The following DEFB118 variants were observed in gnomAD, a reference collection of about 807,000 sequenced individuals.
DEFB118 encodes the protein defensin beta 118.
A neutral mutation model predicts 2.8 loss-of-function variants in DEFB118; 3 were observed. That is an observed-to-expected ratio of 1.09 (90% CI 0.50 to 2.82). The LOEUF (loss-of-function observed/expected upper bound fraction) is 2.82, where lower values mean the gene tolerates loss of function less well. Ranked by LOEUF, DEFB118 falls within the 30% of genes most tolerant of loss-of-function variation. The pLI is 0.04. For missense variants in DEFB118, 159 were observed against 144.6 expected, an observed-to-expected ratio of 1.10 and a Z score of -0.51; for synonymous variants, 63 against 53.5, an observed-to-expected ratio of 1.18 and a Z score of -0.78.
intron 1 of DEFB118, among the ~76,000 whole-genome samples, chr20:31,370,419 GA>G (rs1486816821): frequency 6.6e-6 from 1 of 152,162 alleles, no homozygotes; most frequent in Non-Finnish European, 1.5e-5. Flanking sequence ...TTTTGTACAT[GA>G]AATCCACAAG....
At chr20:31,370,231 G>T (rs1986191444) in intron 1 of DEFB118, among the ~76,000 whole-genome samples, 1 of 152,176 alleles carries the variant, frequency 6.6e-6, no homozygotes, top group Admixed American at 6.5e-5. Context: ...ATCAGAAGTT[G>T]TGTATCTTAA....
intron 1 of DEFB118, among the ~76,000 whole-genome samples, chr20:31,369,956 C>A (rs1986185843): frequency 6.6e-6 from 1 of 151,994 alleles, no homozygotes; most frequent in South Asian, 2.1e-4. Flanking sequence ...AAATGTAAGT[C>A]TGGTGGGGGT....
intron 1 of DEFB118, 118 bp downstream of exon 1, chr20:31,368,826 C>T (rs1986162906): frequency 4.2e-6 from 4 of 954,230 alleles, no homozygotes; most frequent in Non-Finnish European, 6.6e-6. Context: ...CACACTGGGA[C>T]TATGCTCCTG....
At chr20:31,372,561 A>G (rs181805344) in intron 1 of DEFB118, among the ~76,000 whole-genome samples, 3 of 152,222 alleles carry the variant, frequency 2.0e-5, no homozygotes, top group Admixed American at 2.0e-4. Flanking sequence ...AAAAAGATGT[A>G]CTTTCTTTAC....
Position 31,373,122 on chromosome 20 carries a change from G to C in DEFB118, c.324G>C (p.Ala108=). The change falls in exon 2 of 2, where the codon GCG becomes GCC. Residue 108 remains alanine (A), a synonymous_variant. Transcript: ENST00000253381. Reference sequence around the variant, plus strand: ...AAGATATGGTTGAAGAGTCTGAGGCGGGAAGGGGAACTGAGACCTCTCTTC... The same window carrying C: ...AAGATATGGTTGAAGAGTCTGAGGCCGGAAGGGGAACTGAGACCTCTCTTC... The part of the protein sequence containing the change: ...SKKDMVEESE[A]GRGTETSLPN... 1.2e-6 allele frequency: 2 copies of C among 1,613,988 alleles called. No individual in the cohort carries two copies. Among genetic ancestry groups the C allele is most frequent in the Non-Finnish European group, 8.5e-7 (1 of 1,179,998 alleles).
rs1045305517 is a variant in DEFB118, at chr20:31,373,773, A to C, written c.*603A>C. The C allele has an allele frequency of 6.5e-6, 1 of 152,828 alleles. No individual in the cohort carries two copies. The highest frequency in any genetic ancestry group is 6.5e-5 in the Admixed American group (1 of 15,402). The allele number at this position is 152,828 out of a possible 1,614,324, so 9.5% of individuals were successfully genotyped here. On this transcript the variant is annotated 3_prime_UTR_variant, in exon 2 of 2. Coordinates refer to ENST00000253381, the MANE Select transcript of DEFB118 (RefSeq NM_054112.3). The stretch of plus-strand genomic sequence containing the variant: ...AAAGCTTTTATGGCTCTGTAGACCC[A>C]TCTTTTTGACCAAGCCTTGATCACA...
In DEFB118 at chr20:31,373,292, G is replaced by T; in HGVS notation, c.*122G>T. 1.2e-6 allele frequency: 1 copy of T among 857,020 alleles called. No individual in the cohort carries two copies. Among genetic ancestry groups the T allele is most frequent in the Non-Finnish European group, 1.8e-6 (1 of 568,714 alleles). 53.1% of individuals were successfully genotyped at this position (857,020 alleles called of 1,614,324 possible). A position where few individuals can be genotyped will look rare whatever the true frequency, so the allele number is the denominator to read the frequency against. ...CCACCAATATGTAATTCTATTAATA[G>T]AAACAGCTGTGTAAAGAAGTCTAAA... On this transcript the variant is annotated 3_prime_UTR_variant, in exon 2 of 2. Coordinates refer to ENST00000253381, the MANE Select transcript of DEFB118 (RefSeq NM_054112.3).
chr20:31,371,524 G>T (rs536146089), intron 1 of DEFB118, among the ~76,000 whole-genome samples: 1 of 151,462 alleles, frequency 6.6e-6, no homozygotes, highest in African/African-American at 2.4e-5. Flanking sequence ...AGGCTGAAGT[G>T]CAGTGGCACG....
Position 31,373,044 on chromosome 20 carries a change from T to C in DEFB118, c.246T>C (p.Asp82=), listed in dbSNP as rs1986242898. The C allele has an allele frequency of 6.2e-7, 1 of 1,614,038 alleles. No homozygotes were observed. Among genetic ancestry groups the C allele is most frequent in the Non-Finnish European group, 8.5e-7 (1 of 1,180,042 alleles). ...PLSDSTPGII[D]DILTVRFTTD... is the part of the protein sequence containing the mutation. Reference sequence around the variant, plus strand: ...GTGACTCAACACCAGGAATTATTGATGATATTTTAACAGTAAGGTTCACGA... The same window carrying C: ...GTGACTCAACACCAGGAATTATTGACGATATTTTAACAGTAAGGTTCACGA... The change falls in exon 2 of 2, where the codon GAT becomes GAC. Residue 82 remains aspartate, a synonymous_variant. Coordinates refer to ENST00000253381, the MANE Select transcript of DEFB118 (RefSeq NM_054112.3).
chr20:31,369,506 C>T (rs1170014346), intron 1 of DEFB118, among the ~76,000 whole-genome samples: 1 of 151,126 alleles, frequency 6.6e-6, no homozygotes, highest in Non-Finnish European at 1.5e-5. Flanking sequence ...TCTCCTGCCT[C>T]AGCCTCCCAA....
intron 1 of DEFB118, among the ~76,000 whole-genome samples, chr20:31,369,592 G>T (rs1396487928): frequency 2.6e-5 from 4 of 152,094 alleles, no homozygotes; most frequent in Admixed American, 6.5e-5. Context: ...GTTTCACCAT[G>T]TTGGCAAGGC....
At chr20:31,369,485 G>C (rs775783561) in intron 1 of DEFB118, among the ~76,000 whole-genome samples, 1 of 150,618 alleles carries the variant, frequency 6.6e-6, no homozygotes. Flanking sequence ...TGCCTCCTGG[G>C]TTCAAGCAAT....
At position 31,373,002 on chromosome 20, in the gene DEFB118, A is replaced by C; in HGVS notation, c.204A>C (p.Thr68=). The change falls in exon 2 of 2, where the codon ACA becomes ACC. Residue 68 remains threonine, a synonymous_variant. Transcript: ENST00000253381. ...SNEDHRRVPA[T]SPTPLSDSTP... is the part of the protein sequence containing the mutation. ...AAGACCACAGGCGAGTTCCTGCGAC[A>C]TCTCCCACACCCTTGAGTGACTCAA... The C allele has an allele frequency of 6.2e-7, 1 of 1,614,216 alleles. No homozygotes were observed. Among genetic ancestry groups the C allele is most frequent in the Non-Finnish European group, 8.5e-7 (1 of 1,180,038 alleles).
chr20:31,373,268 C>G lies in DEFB118; in HGVS notation c.*98C>G, dbSNP rs866104437. On this transcript the variant is annotated 3_prime_UTR_variant, in exon 2 of 2. Coordinates refer to ENST00000253381, the MANE Select transcript of DEFB118 (RefSeq NM_054112.3). ...ACACCACAGTGACCCTCCCACCCCC[C>G]ACCAATATGTAATTCTATTAATAGA... 15 of 1,051,584 alleles carry G rather than the reference C, an allele frequency of 1.4e-5. No homozygotes were observed. In the African/African-American group the frequency reaches 1.9e-4, roughly 13 times the overall value. 65.1% of individuals were successfully genotyped at this position (1,051,584 alleles called of 1,614,324 possible).
chr20:31,371,009 C>T (rs1418370417), intron 1 of DEFB118, among the ~76,000 whole-genome samples: 1 of 152,162 alleles, frequency 6.6e-6, no homozygotes, highest in Non-Finnish European at 1.5e-5. Context: ...CCTCAGCCTC[C>T]CTCGTGCTGT....
At chr20:31,370,914 C>A (rs1374719848) in intron 1 of DEFB118, among the ~76,000 whole-genome samples, 1 of 152,032 alleles carries the variant, frequency 6.6e-6, no homozygotes, top group Non-Finnish European at 1.5e-5. Flanking sequence ...CCAAGCCTGG[C>A]TACTTTTTGT....
At chr20:31,370,116 CAGGGAAACCT>C (rs1986189311) in intron 1 of DEFB118, among the ~76,000 whole-genome samples, 1 of 152,042 alleles carries the variant, frequency 6.6e-6, no homozygotes, top group Non-Finnish European at 1.5e-5. Context: ...GGTAGGGAAA[CAGGGAAACCT>C]CTCCTGTTTC....
At chr20:31,371,506 T>C (rs1986209933) in intron 1 of DEFB118, among the ~76,000 whole-genome samples, 1 of 152,148 alleles carries the variant, frequency 6.6e-6, no homozygotes, top group African/African-American at 2.4e-5. Flanking sequence ...AGTCTCGCTC[T>C]GTTGCCCAGG....
rs1986251484 is a variant in DEFB118 at position 31,373,458 on chromosome 20, CCAA to C, written c.*295_*297del. 3 of 393,434 alleles carry C rather than the reference CCAA, an allele frequency of 7.6e-6. No homozygotes were observed. The highest frequency in any genetic ancestry group is 5.1e-5 in the South Asian group (1 of 19,452). The allele number at this position is 393,434 out of a possible 1,614,324, so 24.4% of individuals were successfully genotyped here. ...AACTTCAATAGCTTAGTTAGCTATT[CCAA>C]CAACAATTTCTTCATGTATCGTTCT... On this transcript the variant is annotated 3_prime_UTR_variant, in exon 2 of 2. Transcript: ENST00000253381.
Sources: allele counts gnomAD v4.1 joint callset (sites outside exome capture counted in the v4.1 genomes callset), GRCh38; gene constraint gnomAD v4.1.1; transcripts MANE v1.5; gene names NCBI Gene and HGNC (gene_info 2026-07-23, HGNC 2026-07-21).